PDE4D: variants seen among roughly 807,000 people sequenced by gnomAD.
The protein encoded by PDE4D is 3',5'-cyclic-AMP phosphodiesterase 4D.
A neutral mutation model predicts 87.4 loss-of-function variants in PDE4D; 24 were observed. The observed-to-expected ratio is 0.27, with a 90% CI of 0.20 to 0.39. The LOEUF is 0.39. Ranked by LOEUF, PDE4D falls within the 10% of genes least tolerant of loss-of-function variation. The pLI, the probability that PDE4D is intolerant of heterozygous loss-of-function variation, is 1.00. For missense variants in PDE4D, 714 were observed against 1,041.0 expected, an observed-to-expected ratio of 0.69 and a Z score of 4.32; for synonymous variants, 384 against 383.2, an observed-to-expected ratio of 1.00 and a Z score of -0.02.
chr5:59,131,596 A>AC, intron 5 of PDE4D, among the ~76,000 whole-genome samples: 1 of 93,832 alleles, frequency 1.1e-5, no homozygotes. Context: ...GGCCAATTTA[A>AC]AACACACACA....
chr5:60,187,622 A>T (rs143294230), intron 1 of PDE4D, among the ~76,000 whole-genome samples: 26 of 152,290 alleles, frequency 1.7e-4, no homozygotes, highest in African/African-American at 6.3e-4. Context: ...TTTTTAAAAA[A>T]TTTGCCTTGA....
At chr5:59,932,083 C>T (rs919883758) in intron 3 of PDE4D, among the ~76,000 whole-genome samples, 4 of 152,172 alleles carry the variant, frequency 2.6e-5, no homozygotes. Flanking sequence ...TCCTGCCATA[C>T]ACTCTAAACA....
At chr5:59,006,729 T>C (rs897868614) in intron 6 of PDE4D, among the ~76,000 whole-genome samples, 19 of 152,388 alleles carry the variant, frequency 1.2e-4, no homozygotes, top group South Asian at 2.1e-4. Flanking sequence ...ATTAACAATC[T>C]TTTTGAACTA....
intron 1 of PDE4D, among the ~76,000 whole-genome samples, chr5:60,335,668 G>C (rs997404412): frequency 1.3e-5 from 2 of 152,148 alleles, no homozygotes; most frequent in Non-Finnish European, 2.9e-5. Flanking sequence ...CCTAAGTGGG[G>C]TAGGGTAGTC....
chr5:59,503,373 G>A (rs970555710), intron 1 of PDE4D, among the ~76,000 whole-genome samples: 2 of 152,126 alleles, frequency 1.3e-5, no homozygotes, highest in African/African-American at 2.4e-5. Context: ...TTATTCAATG[G>A]AAGTGCTCTC....
chr5:59,171,800 T>A (rs915771716), intron 5 of PDE4D, among the ~76,000 whole-genome samples: 1 of 122,244 alleles, frequency 8.2e-6, no homozygotes, highest in Non-Finnish European at 1.7e-5. Flanking sequence ...ATATATTATA[T>A]ATTAAATATA....
chr5:60,204,193 T>G (rs1461982777), intron 1 of PDE4D, among the ~76,000 whole-genome samples: 1 of 152,098 alleles, frequency 6.6e-6, no homozygotes, highest in Non-Finnish European at 1.5e-5. Flanking sequence ...TGTCTATCTA[T>G]CTATCTAGCT....
chr5:59,647,521 G>A (rs974165075), intron 1 of PDE4D, among the ~76,000 whole-genome samples: 11 of 149,512 alleles, frequency 7.4e-5, no homozygotes, highest in African/African-American at 2.7e-4. Flanking sequence ...AAATATATCT[G>A]TAAAATGTTC....
chr5:60,418,796 G>C (rs1452266193), intron 1 of PDE4D, among the ~76,000 whole-genome samples: 2 of 152,018 alleles, frequency 1.3e-5, no homozygotes, highest in Admixed American at 6.6e-5. Flanking sequence ...TAGTCACCCT[G>C]TTGTGCTATC....
intron 1 of PDE4D, among the ~76,000 whole-genome samples, chr5:59,489,285 CA>C (rs70975319): frequency 2.0e-5 from 3 of 148,444 alleles, no homozygotes; most frequent in South Asian, 2.1e-4. Context: ...ACAAAAAAAA[CA>C]AAAAAAAACA....
chr5:59,549,379 T>C (rs1817755436), intron 1 of PDE4D, among the ~76,000 whole-genome samples: 1 of 152,222 alleles, frequency 6.6e-6, no homozygotes, highest in Non-Finnish European at 1.5e-5. Flanking sequence ...CAGGCAGTTT[T>C]ACTGTTAGCT....
chr5:59,753,543 T>A (rs1760791765), intron 1 of PDE4D, among the ~76,000 whole-genome samples: 1 of 151,788 alleles, frequency 6.6e-6, no homozygotes, highest in African/African-American at 2.4e-5. Context: ...GGTTTAAGAG[T>A]AGGGTTTATT....
intron 1 of PDE4D, among the ~76,000 whole-genome samples, chr5:59,723,575 G>A (rs537473694): frequency 2.0e-5 from 3 of 152,204 alleles, no homozygotes; most frequent in Admixed American, 6.5e-5. Context: ...ACATACAAAC[G>A]GATATGGAAA....
At chr5:59,088,229 C>T (rs1306511687) in intron 5 of PDE4D, among the ~76,000 whole-genome samples, 1 of 152,140 alleles carries the variant, frequency 6.6e-6, no homozygotes, top group Non-Finnish European at 1.5e-5. Context: ...CCAAAAAACA[C>T]TTTATTATTG....
chr5:60,168,321 AT>A (rs1333841303), intron 2 of PDE4D, among the ~76,000 whole-genome samples: 1 of 152,196 alleles, frequency 6.6e-6, no homozygotes, highest in Non-Finnish European at 1.5e-5. Context: ...TGGCATAGTA[AT>A]TTCAGGAGGA....
chr5:59,422,797 T>C (rs933921087), intron 1 of PDE4D, among the ~76,000 whole-genome samples: 1 of 152,194 alleles, frequency 6.6e-6, no homozygotes, highest in African/African-American at 2.4e-5. Flanking sequence ...GATGGATAAA[T>C]GCTGAACTGA....
chr5:59,334,176 C>T (rs955455226), intron 1 of PDE4D, among the ~76,000 whole-genome samples: 2 of 149,530 alleles, frequency 1.3e-5, no homozygotes, highest in African/African-American at 2.5e-5. Flanking sequence ...TAGGATTGGC[C>T]ACTTGTTTGA....
At chr5:60,229,816 T>C (rs745522242) in intron 1 of PDE4D, among the ~76,000 whole-genome samples, 6 of 152,134 alleles carry the variant, frequency 3.9e-5, no homozygotes, top group Non-Finnish European at 8.8e-5. Flanking sequence ...GAATCAGCAC[T>C]TGATTTTGAA....
chr5:59,749,415 C>T (rs1332858509), intron 1 of PDE4D, among the ~76,000 whole-genome samples: 1 of 152,128 alleles, frequency 6.6e-6, no homozygotes, highest in African/African-American at 2.4e-5. Context: ...AGGTGCCTGC[C>T]ACCACGCCTG....
Sources: allele counts gnomAD v4.1 joint callset (sites outside exome capture counted in the v4.1 genomes callset), GRCh38; gene constraint gnomAD v4.1.1; transcripts MANE v1.5; gene names NCBI Gene and HGNC (gene_info 2026-07-23, HGNC 2026-07-21).